FHIT: variants seen among roughly 807,000 people sequenced by gnomAD.
The protein encoded by FHIT is fragile histidine triad diadenosine triphosphatase.
FHIT carries 19 observed loss-of-function variants against 17.9 expected under a neutral mutation model. The ratio of observed to expected loss-of-function variants is 1.06; its 90% CI spans 0.74 to 1.56. The LOEUF (loss-of-function observed/expected upper bound fraction) is 1.56. FHIT is among the 40% of genes most tolerant of loss of function. The probability of loss-of-function intolerance (pLI) is 0.00; values close to 1 mark genes in which losing one functional copy is unlikely to be tolerated. For missense variants in FHIT, 248 were observed against 189.2 expected (o/e 1.31, Z -1.82); for synonymous variants, 81 against 69.7 (o/e 1.16, Z -0.81).
chr3:60,621,916 T>C (rs1300476470), intron 4 of FHIT, among the ~76,000 whole-genome samples: 1 of 152,022 alleles, frequency 6.6e-6, no homozygotes, highest in Admixed American at 6.6e-5. Context: ...AGTTAAATTC[T>C]AGAGAGAATC....
intron 5 of FHIT, among the ~76,000 whole-genome samples, chr3:60,110,893 A>G (rs1163767087): frequency 6.6e-6 from 1 of 152,180 alleles, no homozygotes; most frequent in African/African-American, 2.4e-5. Flanking sequence ...TATTCCATAT[A>G]TATCAGAACA....
chr3:60,848,546 G>A (rs1343586350), intron 3 of FHIT, among the ~76,000 whole-genome samples: 1 of 152,076 alleles, frequency 6.6e-6, no homozygotes, highest in African/African-American at 2.4e-5. Flanking sequence ...CAGAAAATTG[G>A]AGGTCCAGGC....
At chr3:60,708,712 T>A (rs1405213528) in intron 4 of FHIT, among the ~76,000 whole-genome samples, 2 of 152,158 alleles carry the variant, frequency 1.3e-5, no homozygotes, top group African/African-American at 4.8e-5. Context: ...AATCCATCAC[T>A]TTGCAATATA....
chr3:59,972,933 G>C (rs182975783), intron 7 of FHIT, among the ~76,000 whole-genome samples: 1 of 152,020 alleles, frequency 6.6e-6, no homozygotes, highest in African/African-American at 2.4e-5. Context: ...CCGTATTTTT[G>C]CTCCTGACTT....
intron 3 of FHIT, among the ~76,000 whole-genome samples, chr3:60,887,457 C>G (rs1705278097): frequency 6.6e-6 from 1 of 151,964 alleles, no homozygotes; most frequent in Non-Finnish European, 1.5e-5. Context: ...CCAGCCTGGC[C>G]AAGATGGTGA....
In FHIT at chr3:60,305,131, CT is replaced by C. The variant is rs145375404; in HGVS notation, c.103+231728del. On this transcript the variant is annotated intron_variant, in intron 5 of 9. Transcript: ENST00000492590. Reference sequence around the variant, plus strand: ...AAAACACAGAATATTCCTTTTTGTTCTTTTTTTTTAAACTTTTATAACATGG... The same window carrying C: ...AAAACACAGAATATTCCTTTTTGTTCTTTTTTTTAAACTTTTATAACATGG... 5.1e-3 allele frequency among the ~76,000 whole-genome samples: 766 copies of C among 151,238 alleles called. 5 individuals carry two copies. Among genetic ancestry groups the C allele is most frequent in the Middle Eastern group, 0.01 (3 of 294 alleles).
intron 1 of FHIT, among the ~76,000 whole-genome samples, chr3:61,221,294 A>G (rs1277568019): frequency 2.0e-5 from 3 of 152,366 alleles, no homozygotes; most frequent in Admixed American, 2.0e-4. Context: ...TGACATTTTA[A>G]GTCAAATAGC....
At chr3:60,343,814 G>A (rs764983526) in intron 5 of FHIT, among the ~76,000 whole-genome samples, 2 of 152,140 alleles carry the variant, frequency 1.3e-5, no homozygotes, top group Non-Finnish European at 2.9e-5. Context: ...GCCCTGGACT[G>A]TCTTAATTTT....
At chr3:60,319,450 G>GAA (rs1265020859) in intron 5 of FHIT, among the ~76,000 whole-genome samples, 20 of 139,602 alleles carry the variant, frequency 1.4e-4, no homozygotes, top group Admixed American at 5.8e-4. Context: ...GTTTTTAAGG[G>GAA]AAAAAAAAAA....
At chr3:60,270,507 CT>C (rs1706808324) in intron 5 of FHIT, among the ~76,000 whole-genome samples, 1 of 152,130 alleles carries the variant, frequency 6.6e-6, no homozygotes, top group African/African-American at 2.4e-5. Flanking sequence ...GGCAGTAGAA[CT>C]CATAAAAGAT....
intron 8 of FHIT, among the ~76,000 whole-genome samples, chr3:59,780,137 G>A (rs1175698917): frequency 6.6e-6 from 1 of 152,162 alleles, no homozygotes; most frequent in African/African-American, 2.4e-5. Context: ...TCCCTGACAA[G>A]TAGGGATTTT....
chr3:60,510,408 C>A (rs147207841), intron 5 of FHIT, among the ~76,000 whole-genome samples: 1 of 152,208 alleles, frequency 6.6e-6, no homozygotes, highest in East Asian at 1.9e-4. Flanking sequence ...ATTTTAGGAC[C>A]CCCTAAGAAG....
At chr3:60,364,655 G>C (rs1373815649) in intron 5 of FHIT, among the ~76,000 whole-genome samples, 1 of 152,096 alleles carries the variant, frequency 6.6e-6, no homozygotes, top group Non-Finnish European at 1.5e-5. Context: ...ATTTGACTGA[G>C]CTAAGAGATG....
chr3:60,131,088 T>C (rs1228369009), intron 5 of FHIT, among the ~76,000 whole-genome samples: 1 of 103,284 alleles, frequency 9.7e-6, no homozygotes. Flanking sequence ...TACACATATA[T>C]ACACATATAT....
At chr3:60,352,289 G>A (rs1341690085) in intron 5 of FHIT, among the ~76,000 whole-genome samples, 1 of 152,076 alleles carries the variant, frequency 6.6e-6, no homozygotes, top group Admixed American at 6.6e-5. Flanking sequence ...TCAGTGGTGA[G>A]CCTAAAACAG....
At chr3:60,628,448 C>G (rs2039351925) in intron 4 of FHIT, among the ~76,000 whole-genome samples, 1 of 152,144 alleles carries the variant, frequency 6.6e-6, no homozygotes, top group African/African-American at 2.4e-5. Flanking sequence ...TGTTGTCTGC[C>G]TCAATTGGCC....
chr3:60,440,128 T>A (rs986376137), intron 5 of FHIT, among the ~76,000 whole-genome samples: 9 of 152,076 alleles, frequency 5.9e-5, no homozygotes, highest in Admixed American at 3.3e-4. Context: ...AGTCAAAGAC[T>A]TCTTAAATCA....
In FHIT at chr3:60,898,786, G is replaced by A. The variant is rs77576240; in HGVS notation, c.-110-76775C>T. The stretch of plus-strand genomic sequence containing the variant: ...TCACATTCTTCAGGAGCCCGAGTTT[G>A]GTTCTGGTTATAAATGCATAGGATA... On this transcript the variant is annotated intron_variant, in intron 3 of 9. Coordinates refer to ENST00000492590, the MANE Select transcript of FHIT (RefSeq NM_002012.4). Among the ~76,000 whole-genome samples the A allele has an allele frequency of 8.2e-3, 1,249 of 152,230 alleles. 14 individuals carry two copies. Among genetic ancestry groups the A allele is most frequent in the Non-Finnish European group, 0.015 (990 of 68,014 alleles).
intron 8 of FHIT, among the ~76,000 whole-genome samples, chr3:59,828,751 T>G (rs1490889357): frequency 2.0e-5 from 3 of 152,218 alleles, no homozygotes; most frequent in African/African-American, 7.2e-5. Flanking sequence ...CAATATGATA[T>G]GTGATTCCTT....
Sources: gnomAD v4.1 joint callset for allele counts (sites outside exome capture counted in the v4.1 genomes callset) on GRCh38, gnomAD v4.1.1 for gene constraint, MANE v1.5 for transcripts, NCBI Gene and HGNC (gene_info 2026-07-23, HGNC 2026-07-21) for gene names.